The following TMEM47 variants were observed in gnomAD, a reference collection of about 807,000 sequenced individuals.
TMEM47 encodes the protein brain cell membrane protein 1.
Under a neutral mutation model 12.4 loss-of-function variants are expected in TMEM47, and 3 were observed. The ratio of observed to expected loss-of-function variants is 0.24; its 90% CI spans 0.11 to 0.63. The LOEUF is 0.63. Among genes scored for constraint, TMEM47 ranks in the 20% least tolerant of loss-of-function variants. The pLI is 0.86. For missense variants in TMEM47, 89 were observed against 143.8 expected, an observed-to-expected ratio of 0.62 and a Z score of 1.95; for synonymous variants, 62 against 63.3, an observed-to-expected ratio of 0.98 and a Z score of 0.10.
rs1161419178 is a variant in TMEM47 at position 34,627,452 on chromosome X, T to C, written c.*2861A>G. 1 of 111,871 alleles carries C rather than the reference T, an allele frequency of 8.9e-6. No individual in the cohort carries two copies. Among genetic ancestry groups the C allele is most frequent in the Non-Finnish European group, 1.9e-5 (1 of 53,077 alleles). 9.2% of individuals were successfully genotyped at this position (111,871 alleles called of 1,213,427 possible). ...AAAATACAGTCTGAATAAATTACAT[T>C]GCTAGCCATACAATTAGACGTCACT... On this transcript the variant is annotated 3_prime_UTR_variant, in exon 3 of 3. Coordinates refer to ENST00000275954, the MANE Select transcript of TMEM47 (RefSeq NM_031442.4).
chrX:34,655,416 T>C (rs1386402014), intron 1 of TMEM47, among the ~76,000 whole-genome samples: 5 of 111,760 alleles, frequency 4.5e-5, no homozygotes, highest in African/African-American at 6.5e-5. Flanking sequence ...CCTGAAAGAA[T>C]TGAAGGACCT....
At chrX:34,640,551 C>A (rs904243196) in intron 1 of TMEM47, among the ~76,000 whole-genome samples, 1 of 111,388 alleles carries the variant, frequency 9.0e-6, no homozygotes, top group Non-Finnish European at 1.9e-5. Flanking sequence ...TTAAAAGCCC[C>A]AAGCGCCTCT....
In TMEM47 at chrX:34,628,881, T is replaced by G. The variant is rs1019093479; in HGVS notation, c.*1432A>C. 13 of 111,885 alleles carry G rather than the reference T, an allele frequency of 1.2e-4. No individual in the cohort carries two copies. The highest frequency in any genetic ancestry group is 4.2e-4 in the African/African-American group (13 of 30,788). 9.2% of individuals were successfully genotyped at this position (111,885 alleles called of 1,213,427 possible). ...TATATTAAACAGAATTAACACAAGTTTGCAGCATGAGATTAGTTGCAAACT... is the reference window on the plus strand; with the variant it reads ...TATATTAAACAGAATTAACACAAGTGTGCAGCATGAGATTAGTTGCAAACT... On this transcript the variant is annotated 3_prime_UTR_variant, in exon 3 of 3. Coordinates refer to ENST00000275954, the MANE Select transcript of TMEM47 (RefSeq NM_031442.4).
intron 2 of TMEM47, among the ~76,000 whole-genome samples, chrX:34,637,070 T>A (rs777582850): frequency 8.9e-6 from 1 of 111,925 alleles, no homozygotes; most frequent in South Asian, 3.7e-4. Context: ...ATATCTAACT[T>A]TGAGATTGTT....
rs945413541 is a variant in TMEM47, at chrX:34,628,547, A to C, written c.*1766T>G. On this transcript the variant is annotated 3_prime_UTR_variant, in exon 3 of 3. Coordinates refer to ENST00000275954, the MANE Select transcript of TMEM47 (RefSeq NM_031442.4). Reference sequence around the variant, plus strand: ...TTTTCTAGCATTTGGATAATAAAATAGGTTTTTTTTTTTTGGCTGTTGTTT... The same window carrying C: ...TTTTCTAGCATTTGGATAATAAAATCGGTTTTTTTTTTTTGGCTGTTGTTT... 6 of 108,209 alleles carry C rather than the reference A, an allele frequency of 5.5e-5. No individual in the cohort carries two copies. The highest frequency in any genetic ancestry group is 1.1e-4 in the Non-Finnish European group (6 of 52,569). 8.9% of individuals were successfully genotyped at this position (108,209 alleles called of 1,213,427 possible).
chrX:34,627,496 AT>A lies in TMEM47; in HGVS notation c.*2816del, dbSNP rs1337139522. 8 of 111,969 alleles carry A rather than the reference AT, an allele frequency of 7.1e-5. No homozygotes were observed. Among genetic ancestry groups the A allele is most frequent in the South Asian group, 3.7e-4 (1 of 2,687 alleles). 9.2% of individuals were successfully genotyped at this position (111,969 alleles called of 1,213,427 possible). ...CGTCACTTACCAGTCAGTTCATTGC[AT>A]GTTTAATAATATACAGGTACATGCT... On this transcript the variant is annotated 3_prime_UTR_variant, in exon 3 of 3. Transcript: ENST00000275954.
intron 2 of TMEM47, among the ~76,000 whole-genome samples, chrX:34,634,328 G>A (rs1601964524): frequency 9.0e-6 from 1 of 111,699 alleles, no homozygotes; most frequent in East Asian, 2.8e-4. Context: ...TGACGGGAAT[G>A]TAGACCTACT....
chrX:34,632,303 C>T (rs922565597), intron 2 of TMEM47, among the ~76,000 whole-genome samples: 5 of 111,419 alleles, frequency 4.5e-5, no homozygotes, highest in African/African-American at 1.6e-4. Flanking sequence ...GTTTTGATAT[C>T]GCTTATATGT....
rs779271819 is a variant in TMEM47, at chrX:34,656,964, G to T, written c.66C>A (p.Val22=). 8.4e-7 allele frequency: 1 copy of T among 1,186,805 alleles called. No individual in the cohort carries two copies. Among genetic ancestry groups the T allele is most frequent in the African/African-American group, 1.8e-5 (1 of 56,968 alleles). Residue 22 remains valine, a synonymous_variant, in exon 1 of 3, where the codon GTC becomes GTA. Transcript: ENST00000275954. ...RVSVLTPLKL[V]GLVCIFLALC... ...GCGCCAGGAAGATGCACACCAGCCC[G>T]ACCAGCTTCAAGGGGGTCAGCACCG...
chrX:34,650,287 C>A (rs1245086363), intron 1 of TMEM47, among the ~76,000 whole-genome samples: 1 of 111,757 alleles, frequency 8.9e-6, no homozygotes, highest in African/African-American at 3.3e-5. Context: ...TGACATCATT[C>A]AACAATACTT....
intron 2 of TMEM47, among the ~76,000 whole-genome samples, chrX:34,632,961 A>G (rs917778061): frequency 3.6e-5 from 4 of 111,439 alleles, no homozygotes; most frequent in African/African-American, 1.3e-4. Context: ...ATTTGAAAAA[A>G]AAAAGGCACT....
intron 1 of TMEM47, among the ~76,000 whole-genome samples, chrX:34,644,595 T>C (rs1389375617): frequency 8.9e-6 from 1 of 112,392 alleles, no homozygotes; most frequent in East Asian, 2.8e-4. Context: ...GCTAATTTAT[T>C]TACCTCTGTA....
chrX:34,656,859 G>T lies in TMEM47; in HGVS notation c.171C>A (p.Ser57=), dbSNP rs1410150037. The change falls in exon 1 of 3, where the codon TCC becomes TCA. Residue 57 remains serine, a synonymous_variant. Transcript: ENST00000275954. ...DHQYYLSLWE[S]CRKPASLDIW... Reference sequence around the variant, plus strand: ...TGTCCAAGCTGGCGGGTTTCCGGCAGGACTCCCACAACGACAGGTAGTACT... The same window carrying T: ...TGTCCAAGCTGGCGGGTTTCCGGCATGACTCCCACAACGACAGGTAGTACT... 2.6e-6 allele frequency: 3 copies of T among 1,173,093 alleles called. No homozygotes were observed. In the Admixed American group the frequency reaches 7.6e-5, roughly 30 times the overall value.
intron 1 of TMEM47, among the ~76,000 whole-genome samples, chrX:34,649,284 A>C (rs766680607): frequency 8.9e-6 from 1 of 111,908 alleles, no homozygotes; most frequent in Non-Finnish European, 1.9e-5. Flanking sequence ...ACAATAGCAG[A>C]CTTGGAATCA....
intron 2 of TMEM47, among the ~76,000 whole-genome samples, chrX:34,638,582 G>C (rs1921759004): frequency 8.9e-6 from 1 of 111,751 alleles, no homozygotes; most frequent in Non-Finnish European, 1.9e-5. Context: ...ATTGCAGTTT[G>C]AGTCAAAAAG....
At chrX:34,650,808 C>T (rs1569164779) in intron 1 of TMEM47, among the ~76,000 whole-genome samples, 1 of 112,028 alleles carries the variant, frequency 8.9e-6, no homozygotes, top group Non-Finnish European at 1.9e-5. Context: ...ACATGTATCT[C>T]TCTGTTTGTG....
At chrX:34,654,043 C>T (rs1055086832) in intron 1 of TMEM47, among the ~76,000 whole-genome samples, 1 of 111,637 alleles carries the variant, frequency 9.0e-6, no homozygotes. Context: ...GAAGAGCTGA[C>T]GCAACCTTCA....
chrX:34,641,722 C>T (rs780761964), intron 1 of TMEM47, among the ~76,000 whole-genome samples: 1 of 112,269 alleles, frequency 8.9e-6, no homozygotes, highest in East Asian at 2.8e-4. Context: ...AGCAAACTTT[C>T]CATATAAAGG....
intron 1 of TMEM47, among the ~76,000 whole-genome samples, chrX:34,649,574 G>C (rs1921977909): frequency 9.0e-6 from 1 of 110,553 alleles, no homozygotes; most frequent in Non-Finnish European, 1.9e-5. Context: ...AGGAGGGAGA[G>C]GATCAGGAAA....
Sources: gnomAD v4.1 joint callset for allele counts (sites outside exome capture counted in the v4.1 genomes callset) on GRCh38, gnomAD v4.1.1 for gene constraint, MANE v1.5 for transcripts, NCBI Gene and HGNC (gene_info 2026-07-23, HGNC 2026-07-21) for gene names.